The following SHANK2 variants were observed in gnomAD, a reference collection of about 807,000 sequenced individuals.
SHANK2 encodes the protein SH3 and multiple ankyrin repeat domains 2, also known as SH3 and multiple ankyrin repeat domains protein 2.
SHANK2 carries 43 observed loss-of-function variants against 133.7 expected under a neutral mutation model. The ratio of observed to expected loss-of-function variants is 0.32; its 90% CI spans 0.25 to 0.41. The LOEUF is 0.41. SHANK2 is among the 10% of genes least tolerant of loss of function. SHANK2 has a pLI of 1.00. For missense variants in SHANK2, 1,994 were observed against 2,235.8 expected, an observed-to-expected ratio of 0.89 and a Z score of 2.18; for synonymous variants, 1,017 against 952.8, an observed-to-expected ratio of 1.07 and a Z score of -1.24.
intron 17 of SHANK2, among the ~76,000 whole-genome samples, chr11:70,545,350 C>T (rs557779197): frequency 1.7e-4 from 26 of 152,360 alleles, no homozygotes; most frequent in Admixed American, 3.9e-4. Context: ...GCCCCTGACT[C>T]ACTGCAGCCT....
At chr11:70,783,641 C>T (rs1555045728) in intron 14 of SHANK2, among the ~76,000 whole-genome samples, 1 of 152,012 alleles carries the variant, frequency 6.6e-6, no homozygotes, top group Non-Finnish European at 1.5e-5. Context: ...CGAGACCAGC[C>T]CTGGGCAGAG....
intron 11 of SHANK2, among the ~76,000 whole-genome samples, chr11:70,887,789 C>T (rs1555073809): frequency 6.6e-6 from 1 of 152,288 alleles, no homozygotes. Flanking sequence ...ATCCACCCCA[C>T]ACCCACCTCT....
intron 17 of SHANK2, among the ~76,000 whole-genome samples, chr11:70,614,302 C>T (rs2060707679): frequency 6.9e-6 from 1 of 144,466 alleles, no homozygotes; most frequent in East Asian, 2.0e-4. Flanking sequence ...TTAAGCCAGA[C>T]AGTCTGTGGG....
intron 12 of SHANK2, among the ~76,000 whole-genome samples, chr11:70,812,302 G>A (rs1948296385): frequency 6.6e-6 from 1 of 152,224 alleles, no homozygotes; most frequent in African/African-American, 2.4e-5. Flanking sequence ...AGACCAGAGT[G>A]GTGTACACGG....
intron 21 of SHANK2, chr11:70,495,936 G>A (rs1470491408): frequency 6.4e-6 from 1 of 155,232 alleles, no homozygotes; most frequent in East Asian, 1.9e-4. Flanking sequence ...GGAGATGCAG[G>A]AAGGCCCATC....
chr11:71,089,250 A>C (rs959054739), intron 8 of SHANK2, among the ~76,000 whole-genome samples: 8,107 of 152,232 alleles, frequency 0.053, 267 homozygotes, highest in East Asian at 0.14. Flanking sequence ...GCTTGGCCTC[A>C]AAAACACCAG....
intron 17 of SHANK2, among the ~76,000 whole-genome samples, chr11:70,529,297 C>T (rs2059438536): frequency 6.6e-6 from 1 of 152,222 alleles, no homozygotes; most frequent in Non-Finnish European, 1.5e-5. Flanking sequence ...CTACTGCATC[C>T]CCATCTTCCA....
intron 17 of SHANK2, among the ~76,000 whole-genome samples, chr11:70,658,610 C>G (rs1436152934): frequency 2.6e-5 from 4 of 152,220 alleles, no homozygotes; most frequent in Non-Finnish European, 4.4e-5. Context: ...TCCATCTTAC[C>G]TGGCTCTCCA....
intron 8 of SHANK2, among the ~76,000 whole-genome samples, chr11:71,078,451 G>A (rs1043613513): frequency 6.6e-6 from 1 of 152,296 alleles, no homozygotes; most frequent in Middle Eastern, 3.4e-3. Context: ...GGCAAGAAAG[G>A]CCAATGGATG....
At chr11:71,068,001 T>C (rs945632778) in intron 9 of SHANK2, among the ~76,000 whole-genome samples, 2 of 151,376 alleles carry the variant, frequency 1.3e-5, no homozygotes, top group Admixed American at 6.6e-5. Flanking sequence ...ATCACCATCA[T>C]CACCATCCAT....
chr11:71,239,823 A>C (rs771437261), intron 1 of SHANK2, among the ~76,000 whole-genome samples: 14 of 152,094 alleles, frequency 9.2e-5, no homozygotes, highest in African/African-American at 2.7e-4. Flanking sequence ...AGCTGGCTGG[A>C]TGGTCTGTGA....
At chr11:70,578,978 AC>A (rs2060151450) in intron 17 of SHANK2, among the ~76,000 whole-genome samples, 1 of 151,976 alleles carries the variant, frequency 6.6e-6, no homozygotes, top group Non-Finnish European at 1.5e-5. Flanking sequence ...GACCCCATCC[AC>A]CCTCTGCCCA....
At chr11:71,088,300 G>GT (rs1254599200) in intron 8 of SHANK2, among the ~76,000 whole-genome samples, 1 of 152,070 alleles carries the variant, frequency 6.6e-6, no homozygotes, top group Non-Finnish European at 1.5e-5. Context: ...AAAAAATTCT[G>GT]TATCTGTACA....
intron 12 of SHANK2, among the ~76,000 whole-genome samples, chr11:70,809,860 C>A (rs927089623): frequency 1.1e-4 from 16 of 152,164 alleles, no homozygotes; most frequent in Admixed American, 2.0e-4. Flanking sequence ...TTCCCTGTCC[C>A]CTGTCCCTAG....
intron 17 of SHANK2, among the ~76,000 whole-genome samples, chr11:70,585,383 G>C (rs2060235537): frequency 6.6e-6 from 1 of 152,174 alleles, no homozygotes; most frequent in African/African-American, 2.4e-5. Flanking sequence ...CATGAGGGAG[G>C]AATGGGGAAG....
intron 17 of SHANK2, among the ~76,000 whole-genome samples, chr11:70,624,516 T>C (rs1241343145): frequency 6.8e-6 from 1 of 148,038 alleles, no homozygotes; most frequent in Non-Finnish European, 1.5e-5. Context: ...GATGCTCCCA[T>C]GGCCACAACC....
intron 10 of SHANK2, among the ~76,000 whole-genome samples, chr11:70,934,523 A>T (rs1470576714): frequency 2.0e-5 from 3 of 152,154 alleles, no homozygotes; most frequent in Non-Finnish European, 4.4e-5. Flanking sequence ...AGGCCAGATG[A>T]GATGATGCTC....
intron 2 of SHANK2, among the ~76,000 whole-genome samples, chr11:71,153,656 T>C (rs12274841): frequency 0.64 from 98,069 of 152,116 alleles, 33,150 homozygotes; most frequent in African/African-American, 0.85. Context: ...GCAAAACCTT[T>C]GTAAACACCT....
chr11:70,621,699 C>A (rs2060831364), intron 17 of SHANK2, among the ~76,000 whole-genome samples: 1 of 152,190 alleles, frequency 6.6e-6, no homozygotes, highest in Non-Finnish European at 1.5e-5. Flanking sequence ...CAAAACAACC[C>A]AGGCAAGTGA....
Sources: gnomAD v4.1 joint callset for allele counts (sites outside exome capture counted in the v4.1 genomes callset) on GRCh38, gnomAD v4.1.1 for gene constraint, MANE v1.5 for transcripts, NCBI Gene and HGNC (gene_info 2026-07-23, HGNC 2026-07-21) for gene names.